Variants in XPO5 observed in about 807,000 individuals in gnomAD.
XPO5 encodes exportin 5.
Under a neutral mutation model 160.6 loss-of-function variants are expected in XPO5, and 46 were observed. That is an observed-to-expected ratio of 0.29 (90% CI 0.23 to 0.37). The LOEUF (loss-of-function observed/expected upper bound fraction) is 0.37. Among genes scored for constraint, XPO5 ranks in the 10% least tolerant of loss-of-function variants. The pLI, the probability that XPO5 is intolerant of heterozygous loss-of-function variation, is 1.00. For missense variants in XPO5, 1,090 were observed against 1,463.9 expected, an observed-to-expected ratio of 0.74 and a Z score of 4.17; for synonymous variants, 537 against 519.3, an observed-to-expected ratio of 1.03 and a Z score of -0.46.
In XPO5 at chr6:43,533,917, AG is replaced by A; in HGVS notation, c.2432del (p.Ser811LeufsTer4). 1 of 1,602,272 alleles carries A rather than the reference AG, an allele frequency of 6.2e-7. No homozygotes were observed. ...GGTTACATTTCTTACCTAATATAGC[AG>A]ATTTTTCCGCGTCAAGCATATCCAG... Reference protein sequence around the residue: ...KALDMLDAEKSAILGLPQPLL... With the variant: ...KALDMLDAEKXAILGLPQPLL... On this transcript the variant is annotated frameshift_variant, in exon 21 of 32. Transcript: ENST00000265351. LOFTEE classifies it high-confidence loss of function.
intron 31 of XPO5, 56 bp downstream of exon 31, chr6:43,524,415 C>G (rs1295119400): frequency 6.3e-7 from 1 of 1,580,536 alleles, no homozygotes. Context: ...TATGGTTTGC[C>G]CATACACATG....
intron 15 of XPO5, chr6:43,550,939 A>G (rs1323538859): frequency 6.1e-6 from 1 of 163,374 alleles, no homozygotes; most frequent in East Asian, 1.7e-4. Flanking sequence ...TATAGGTAAC[A>G]TTAACTGTTT....
At chr6:43,527,993 GCTGGTAA>G (rs1793708497) in intron 25 of XPO5, among the ~76,000 whole-genome samples, 159 bp downstream of exon 25, 2 of 152,206 alleles carry the variant, frequency 1.3e-5, no homozygotes, top group Admixed American at 1.3e-4. Flanking sequence ...GAGTCTGCCT[GCTGGTAA>G]CAGCCTGTCC....
Position 43,528,217 on chromosome 6 carries a change from C to T in XPO5, c.2776-12G>A. 6.3e-7 allele frequency: 1 copy of T among 1,585,360 alleles called. No individual in the cohort carries two copies. Among genetic ancestry groups the T allele is most frequent in the Non-Finnish European group, 8.6e-7 (1 of 1,165,004 alleles). On this transcript the variant is annotated splice_polypyrimidine_tract_variant and intron_variant, in intron 24 of 31. Coordinates refer to ENST00000265351, the MANE Select transcript of XPO5 (RefSeq NM_020750.3). ...TTCTGAGAAAGCCTCTGGGAAAACA[C>T]AAAGGAAATAAATGCTAGAATTGGG...
intron 8 of XPO5, among the ~76,000 whole-genome samples, chr6:43,565,155 C>G (rs1392504038): frequency 6.6e-6 from 1 of 152,130 alleles, no homozygotes; most frequent in African/African-American, 2.4e-5. Flanking sequence ...CTCCTGGCCT[C>G]AAGTGATCCA....
chr6:43,524,128 G>T, intron 31 of XPO5, 123 bp from the exon 32 acceptor site: 1 of 1,386,940 alleles, frequency 7.2e-7, no homozygotes, highest in South Asian at 1.4e-5. Context: ...AAGGCGGGTG[G>T]ATCACCTGAG....
chr6:43,573,309 G>A, intron 2 of XPO5, 171 bp downstream of exon 2: 1 of 857,590 alleles, frequency 1.2e-6, no homozygotes, highest in Admixed American at 3.1e-5. Flanking sequence ...GAAAAGAAAG[G>A]TTAAATCTTG....
At chr6:43,556,137 G>T in intron 12 of XPO5, 173 bp from the exon 13 acceptor site, 2 of 847,462 alleles carry the variant, frequency 2.4e-6, no homozygotes, top group South Asian at 2.3e-5. Context: ...GAATCCAGAA[G>T]TTTTTGAAAA....
At chr6:43,539,562 G>A (rs996113841) in intron 20 of XPO5, 29 of 1,379,522 alleles carry the variant, frequency 2.1e-5, no homozygotes, top group Non-Finnish European at 2.5e-5. Flanking sequence ...CGAGCTCCGC[G>A]GCCTCAGCCC....
At chr6:43,569,599 G>A (rs1004341570) in intron 5 of XPO5, among the ~76,000 whole-genome samples, 8 of 151,958 alleles carry the variant, frequency 5.3e-5, no homozygotes, top group Non-Finnish European at 7.4e-5. Flanking sequence ...CGGGCATGGT[G>A]GCAGGCACCG....
intron 25 of XPO5, 61 bp downstream of exon 25, chr6:43,528,098 T>C (rs958952062): frequency 2.0e-6 from 3 of 1,525,814 alleles, no homozygotes; most frequent in African/African-American, 1.4e-5. Flanking sequence ...CCGCTTCCTT[T>C]TCCCACCCCA....
chr6:43,571,059 T>C (rs1762983549), intron 3 of XPO5, 65 bp from the exon 4 acceptor site: 1 of 1,537,482 alleles, frequency 6.5e-7, no homozygotes, highest in East Asian at 2.3e-5. Flanking sequence ...AGAAAAAAGC[T>C]GGGCTGTAGA....
chr6:43,524,439 G>A (rs745713952), intron 31 of XPO5, 32 bp downstream of exon 31: 1 of 1,605,478 alleles, frequency 6.2e-7, no homozygotes, highest in East Asian at 2.2e-5. Context: ...TAAGAAGGGG[G>A]TTGGGAGCAC....
chr6:43,532,424 T>A (rs1315631819), intron 21 of XPO5, among the ~76,000 whole-genome samples: 1 of 152,188 alleles, frequency 6.6e-6, no homozygotes, highest in South Asian at 2.1e-4. Context: ...CTATGGGGGC[T>A]GTGATGGTGA....
chr6:43,523,978 C>G lies in XPO5; in HGVS notation c.3505G>C (p.Glu1169Gln). The change falls in exon 32 of 32, where the codon GAA becomes CAA. Residue 1169 changes from glutamate to glutamine, a missense_variant. Transcript: ENST00000265351. ...GKPLGEQFRKEVHIKNLPSLF... is the reference protein window; with the variant it reads ...GKPLGEQFRKQVHIKNLPSLF... Reference sequence around the variant, plus strand: ...GAGGGAAGATTCTTAATGTGAACTTCTTTTCGGAACTGCTCTCCCAAGGGT... The same window carrying G: ...GAGGGAAGATTCTTAATGTGAACTTGTTTTCGGAACTGCTCTCCCAAGGGT... 6.2e-7 allele frequency: 1 copy of G among 1,613,680 alleles called. No individual in the cohort carries two copies. The highest frequency in any genetic ancestry group is 8.5e-7 in the Non-Finnish European group (1 of 1,179,880).
Position 43,576,033 on chromosome 6 carries a change from G to A in XPO5, c.-169C>T. 1 of 574,660 alleles carries A rather than the reference G, an allele frequency of 1.7e-6. No individual in the cohort carries two copies. The highest frequency in any genetic ancestry group is 3.4e-5 in the East Asian group (1 of 29,120). 35.6% of individuals were successfully genotyped at this position (574,660 alleles called of 1,614,324 possible). A position where few individuals can be genotyped will look rare whatever the true frequency, so the allele number is the denominator to read the frequency against. ...CTCGCGCTGGGAAGAAGCCGGCGCT[G>A]CGCACGCGCCCGGCCCGCCACTGCG... is the stretch of plus-strand genomic sequence containing the variant. On this transcript the variant is annotated 5_prime_UTR_variant, in exon 1 of 32. Transcript: ENST00000265351.
At chr6:43,572,075 C>CTTTTG (rs959206129) in intron 3 of XPO5, among the ~76,000 whole-genome samples, 1 of 152,056 alleles carries the variant, frequency 6.6e-6, no homozygotes, top group Non-Finnish European at 1.5e-5. Context: ...ATGCTTTCTG[C>CTTTTG]TTTTGTTTTG....
chr6:43,566,253 G>A (rs1366784149), intron 7 of XPO5, among the ~76,000 whole-genome samples: 2 of 152,126 alleles, frequency 1.3e-5, no homozygotes, highest in African/African-American at 4.8e-5. Flanking sequence ...AATTAGCTGG[G>A]TGTGGTGGCA....
chr6:43,525,964 C>A, intron 27 of XPO5, 43 bp from the exon 28 acceptor site: 1 of 1,605,900 alleles, frequency 6.2e-7, no homozygotes, highest in Non-Finnish European at 8.5e-7. Flanking sequence ...CCTTTCAGAA[C>A]AGAGAAGAAT....
Sources: gnomAD v4.1 joint callset for allele counts (sites outside exome capture counted in the v4.1 genomes callset) on GRCh38, gnomAD v4.1.1 for gene constraint, MANE v1.5 for transcripts, NCBI Gene and HGNC (gene_info 2026-07-23, HGNC 2026-07-21) for gene names.